The following TENT5D variants were observed in gnomAD, a reference collection of about 807,000 sequenced individuals.
TENT5D encodes cancer/testis antigen 112.
For missense variants in TENT5D, 191 were observed against 287.0 expected (o/e 0.67, Z 2.42); for synonymous variants, 103 against 100.6 (o/e 1.02, Z -0.15).
chrX:80,354,593 T>G (rs2147518371), intron 3 of TENT5D, among the ~76,000 whole-genome samples: 1 of 111,848 alleles, frequency 8.9e-6, no homozygotes, highest in South Asian at 3.7e-4. Context: ...TTGGACTGTT[T>G]TACTGTATTT....
intron 3 of TENT5D, among the ~76,000 whole-genome samples, chrX:80,410,956 A>C (rs1931648459): frequency 9.4e-6 from 1 of 106,602 alleles, no homozygotes; most frequent in Non-Finnish European, 1.9e-5. Flanking sequence ...GACATGGATG[A>C]AATTGGAAAT....
intron 1 of TENT5D, among the ~76,000 whole-genome samples, chrX:80,423,685 G>C (rs971361544): frequency 3.7e-5 from 4 of 109,429 alleles, no homozygotes; most frequent in Non-Finnish European, 5.7e-5. Context: ...CCGAGCTTAC[G>C]GTTTAAAGCA....
intron 3 of TENT5D, among the ~76,000 whole-genome samples, chrX:80,363,594 G>A (rs748413722): frequency 2.1e-4 from 23 of 111,877 alleles, no homozygotes; most frequent in Non-Finnish European, 3.6e-4. Context: ...GCAATGTGCC[G>A]TAAAGTTCGA....
intron 3 of TENT5D, among the ~76,000 whole-genome samples, chrX:80,409,746 C>G (rs1446027263): frequency 1.0e-4 from 11 of 108,011 alleles, no homozygotes; most frequent in African/African-American, 3.7e-4. Context: ...GAAAAAACTA[C>G]TTTAAAGTTC....
At chrX:80,392,618 G>A (rs750538586) in intron 3 of TENT5D, among the ~76,000 whole-genome samples, 122 of 92,663 alleles carry the variant, frequency 1.3e-3, no homozygotes, top group African/African-American at 4.2e-3. Flanking sequence ...CCGGGTTCAC[G>A]CCATTCTCCT....
At chrX:80,376,896 A>G (rs773431328) in intron 3 of TENT5D, among the ~76,000 whole-genome samples, 1 of 111,607 alleles carries the variant, frequency 9.0e-6, no homozygotes, top group South Asian at 3.7e-4. Flanking sequence ...ATACATAGTT[A>G]ATTACAATAG....
intron 2 of TENT5D, 107 bp from the exon 3 acceptor site, chrX:80,442,415 A>G (rs997042341): frequency 1.2e-5 from 6 of 495,868 alleles, no homozygotes; most frequent in Admixed American, 4.2e-5. Context: ...CCCTAGTATT[A>G]TCATGGTTTA....
chrX:80,352,250 G>A (rs1930192350), intron 3 of TENT5D, among the ~76,000 whole-genome samples: 1 of 111,814 alleles, frequency 8.9e-6, no homozygotes, highest in African/African-American at 3.3e-5. Flanking sequence ...TAAGTCTGCT[G>A]AAGTTACGCC....
At chrX:80,343,466 C>A (rs1376095620) in intron 3 of TENT5D, among the ~76,000 whole-genome samples, 1 of 102,596 alleles carries the variant, frequency 9.7e-6, no homozygotes, top group Admixed American at 1.1e-4. Flanking sequence ...GGCACGATCT[C>A]GGCTCACCGC....
At chrX:80,389,964 C>T (rs1455994152) in intron 3 of TENT5D, among the ~76,000 whole-genome samples, 3 of 111,376 alleles carry the variant, frequency 2.7e-5, no homozygotes, top group Non-Finnish European at 5.7e-5. Flanking sequence ...AAGGATGAAA[C>T]TTCAGGAGAG....
exon 3 of TENT5D, chrX:80,444,439 A>C (rs533247275): frequency 1.6e-5 from 2 of 122,460 alleles, no homozygotes; most frequent in Middle Eastern, 9.2e-3. Flanking sequence ...ACTACTACTG[A>C]GATCAGATAC....
intron 1 of TENT5D, among the ~76,000 whole-genome samples, chrX:80,428,029 A>G (rs1034933168): frequency 8.9e-6 from 1 of 112,659 alleles, no homozygotes. Flanking sequence ...TCCACTTTTA[A>G]TTAAGCTGAG....
At chrX:80,376,547 CTA>C (rs1161435159) in intron 3 of TENT5D, among the ~76,000 whole-genome samples, 2 of 111,466 alleles carry the variant, frequency 1.8e-5, no homozygotes, top group Non-Finnish European at 3.8e-5. Flanking sequence ...TTTTAAAAAA[CTA>C]TTTTTAAATT....
At chrX:80,404,944 G>A (rs1424476361) in intron 3 of TENT5D, among the ~76,000 whole-genome samples, 1 of 111,766 alleles carries the variant, frequency 8.9e-6, no homozygotes, top group Non-Finnish European at 1.9e-5. Context: ...AAATCTGTTA[G>A]GCCAGGAAAA....
At chrX:80,438,705 T>C (rs1313174055) in exon 2 of TENT5D, 1 of 110,619 alleles carries the variant, frequency 9.0e-6, no homozygotes, top group African/African-American at 3.3e-5. Context: ...CTCAACTATA[T>C]TGCATTCTTG....
At chrX:80,423,676 C>T (rs1342338534) in intron 1 of TENT5D, among the ~76,000 whole-genome samples, 2 of 108,745 alleles carry the variant, frequency 1.8e-5, no homozygotes, top group Non-Finnish European at 3.8e-5. Flanking sequence ...TTATTTAGGC[C>T]GAGCTTACGG....
intron 3 of TENT5D, among the ~76,000 whole-genome samples, chrX:80,363,026 TTTTA>T (rs1930441208): frequency 8.9e-6 from 1 of 111,969 alleles, no homozygotes; most frequent in East Asian, 2.8e-4. Flanking sequence ...GCAGTAAGAT[TTTTA>T]TTTTTTCTAA....
chrX:80,402,187 A>T (rs1321352247), intron 3 of TENT5D, among the ~76,000 whole-genome samples: 1 of 111,536 alleles, frequency 9.0e-6, no homozygotes, highest in Non-Finnish European at 1.9e-5. Context: ...TTTTTGGCAT[A>T]TAATTGTTGA....
intron 3 of TENT5D, among the ~76,000 whole-genome samples, chrX:80,402,181 T>G (rs1402503876): frequency 8.9e-6 from 1 of 111,784 alleles, no homozygotes; most frequent in African/African-American, 3.2e-5. Flanking sequence ...ATCTAATTTT[T>G]GGCATATAAT....
Sources: gnomAD v4.1 joint callset for allele counts (sites outside exome capture counted in the v4.1 genomes callset) on GRCh38, gnomAD v4.1.1 for gene constraint, MANE v1.5 for transcripts, NCBI Gene and HGNC (gene_info 2026-07-23, HGNC 2026-07-21) for gene names.